The following PNPLA6 variants were observed in gnomAD, a reference collection of about 807,000 sequenced individuals.
PNPLA6 encodes the protein patatin like domain 6, lysophospholipase.
Under a neutral mutation model 153.7 loss-of-function variants are expected in PNPLA6, and 105 were observed. That is an observed-to-expected ratio of 0.68 (90% CI 0.58 to 0.80). The LOEUF is 0.80. PNPLA6 is among the 30% of genes least tolerant of loss of function. PNPLA6 has a pLI of 0.00. For synonymous variants in PNPLA6, 825 were observed against 822.2 expected (o/e 1.00, Z -0.06); for missense variants, 1,423 against 1,919.3 (o/e 0.74, Z 4.83).
At chr19:7,549,139 G>C (rs2023526049) in intron 13 of PNPLA6, among the ~76,000 whole-genome samples, 1 of 150,060 alleles carries the variant, frequency 6.7e-6, no homozygotes, top group South Asian at 2.1e-4. Context: ...TTTATATATA[G>C]ATGGTGCTTA....
intron 13 of PNPLA6, among the ~76,000 whole-genome samples, chr19:7,549,494 C>CTTCTT (rs66673863): frequency 0.17 from 23,091 of 136,210 alleles, 2,068 homozygotes; most frequent in Non-Finnish European, 0.2. Context: ...CCTTCTTCTT[C>CTTCTT]TTTTTTTTTT....
rs1568420077 is a variant in PNPLA6, at chr19:7,555,061, AG to A, written c.2804del (p.Ser935ThrfsTer39). 3 of 1,592,858 alleles carry A rather than the reference AG, an allele frequency of 1.9e-6. No homozygotes were observed. The highest frequency in any genetic ancestry group is 2.5e-6 in the Non-Finnish European group (3 of 1,178,000). On this transcript the variant is annotated frameshift_variant, in exon 22 of 32. Transcript: ENST00000600737. LOFTEE classifies it high-confidence loss of function. This position sits in a 1 kb window ranked among gnomAD's most constrained non-coding sequence, Gnocchi z 6.3. ...RCPRRLFSRRSPAKLHELYEK... is the reference protein window; with the variant it reads ...RCPRRLFSRRXPAKLHELYEK... ...TCCGCGCCGCCTCTTTTCGCGCCGC[AG>A]CCCTGCCAAGCTGGTGAGGAGCGGG...
chr19:7,542,018 C>T lies in PNPLA6; in HGVS notation c.1203C>T (p.Pro401=). 6.2e-7 allele frequency: 1 copy of T among 1,608,328 alleles called. No individual in the cohort carries two copies. Among genetic ancestry groups the T allele is most frequent in the South Asian group, 1.1e-5 (1 of 91,070 alleles). ...TGAAGCCCACATCCCTGGAAACCCC[C>T]TCGGCCCCTCTGCTGAGCCGCTGCG... ...DPVKPTSLET[P]SAPLLSRCVS... The change falls in exon 10 of 32, where the codon CCC becomes CCT. Residue 401 remains proline (P), a synonymous_variant. Coordinates refer to ENST00000600737, the MANE Select transcript of PNPLA6 (RefSeq NM_001166114.2).
rs1160912108 is a variant in PNPLA6, at chr19:7,536,204, G to A, written c.246G>A (p.Pro82=). 2.5e-6 allele frequency: 4 copies of A among 1,613,046 alleles called. No homozygotes were observed. The highest frequency in any genetic ancestry group is 3.4e-6 in the Non-Finnish European group (4 of 1,179,172). The change falls in exon 2 of 32, where the codon CCG becomes CCA. Residue 82 remains proline (P), a synonymous_variant. Transcript: ENST00000600737. ...RRLRVPKTPA[P]DGPRYRFRKR... is the part of the protein sequence containing the mutation. The stretch of plus-strand genomic sequence containing the variant: ...ACCTATCCCCAGAAACCCCAGCCCC[G>A]GATGGCCCCCGGTATCGGTTCCGGA...
In PNPLA6 at chr19:7,561,306, G is replaced by C. The variant is rs766397068; in HGVS notation, c.4012G>C (p.Ala1338Pro). ...GSPEGASPSTASEMEEEKSIL... is the reference protein window; with the variant it reads ...GSPEGASPSTPSEMEEEKSIL... ...CCCCGAGGGCGCAAGCCCCAGCACT[G>C]CCTCCGAGATGGTGAGAGTGGGTGG... is the stretch of plus-strand genomic sequence containing the variant. The change falls in exon 31 of 32, where the codon GCC becomes CCC. Residue 1338 changes from alanine (A) to proline (P), a missense_variant. By Grantham distance (27) the Ala-to-Pro change is conservative. Transcript: ENST00000600737. 1.2e-5 allele frequency: 19 copies of C among 1,604,132 alleles called. No individual in the cohort carries two copies. Among genetic ancestry groups the C allele is most frequent in the Non-Finnish European group, 1.6e-5 (19 of 1,175,996 alleles).
Position 7,540,315 on chromosome 19 carries a change from G to A in PNPLA6, c.714+7G>A, listed in dbSNP as rs371188270. On this transcript the variant is annotated splice_region_variant and intron_variant, in intron 5 of 31. Transcript: ENST00000600737. The surrounding 1 kb of genome is among the most constrained non-coding windows in gnomAD (Gnocchi z 6.8). Reference sequence around the variant, plus strand: ...GCTCTGTCTGCCAGGGCCTGTGAGTGGGCCTCCCCAGGGGCTGCTGCAGGA... The same window carrying A: ...GCTCTGTCTGCCAGGGCCTGTGAGTAGGCCTCCCCAGGGGCTGCTGCAGGA... 2.2e-5 allele frequency: 35 copies of A among 1,602,006 alleles called. No homozygotes were observed. In the African/African-American group the frequency reaches 4.3e-4, roughly 20 times the overall value.
At chr19:7,534,220 A>C, upstream of PNPLA6, 1 of 319,466 alleles carries the variant, frequency 3.1e-6, no homozygotes. Context: ...CGCGGAGTGG[A>C]CCCCGGCTGC....
At position 7,541,496 on chromosome 19, in the gene PNPLA6, G is replaced by A. The variant is rs2023137829; in HGVS notation, c.1006-26G>A. ...GGGGCGAGGTCTCCCTCCCAGGACAGGCCACAAGCTGTTCTCTGCCCCCAG... is the reference window on the plus strand; with the variant it reads ...GGGGCGAGGTCTCCCTCCCAGGACAAGCCACAAGCTGTTCTCTGCCCCCAG... On this transcript the variant is annotated intron_variant, in intron 8 of 31. Transcript: ENST00000600737. The surrounding 1 kb of genome is among the most constrained non-coding windows in gnomAD (Gnocchi z 5.2). 2 of 1,611,896 alleles carry A rather than the reference G, an allele frequency of 1.2e-6. No individual in the cohort carries two copies. Among genetic ancestry groups the A allele is most frequent in the South Asian group, 2.2e-5 (2 of 90,838 alleles).
chr19:7,557,427 C>T lies in PNPLA6; in HGVS notation c.3397+143C>T, dbSNP rs752134451. 1.3e-3 allele frequency: 880 copies of T among 694,632 alleles called. 1 individual carries two copies. The highest frequency in any genetic ancestry group is 1.9e-3 in the Non-Finnish European group (731 of 378,986). 43.0% of individuals were successfully genotyped at this position (694,632 alleles called of 1,614,324 possible). On this transcript the variant is annotated intron_variant, in intron 27 of 31. Transcript: ENST00000600737. ...AGGGGTGCAGACACACATGCGCACA[C>T]ATACGATCACTTGCACAAAATGATA...
Position 7,542,618 on chromosome 19 carries a change from C to G in PNPLA6, c.1310C>G (p.Ser437Cys). The change falls in exon 11 of 32, where the codon TCC (serine) becomes TGC (cysteine). Residue 437 changes from serine (S) to cysteine (C), a missense_variant. Physicochemically the swap from Ser to Cys is moderately radical, Grantham distance 112. Coordinates refer to ENST00000600737, the MANE Select transcript of PNPLA6 (RefSeq NM_001166114.2). The stretch of plus-strand genomic sequence containing the variant: ...ATGGCCTATGAGCGTGGCCGGATCT[C>G]CGTGTCCCTGCAGGAAGAGGCCTCC... ...FDMAYERGRI[S>C]VSLQEEASGG... 6.2e-7 allele frequency: 1 copy of G among 1,613,652 alleles called. No individual in the cohort carries two copies. Among genetic ancestry groups the G allele is most frequent in the Non-Finnish European group, 8.5e-7 (1 of 1,180,000 alleles).
At position 7,540,073 on chromosome 19, in the gene PNPLA6, G is replaced by C; in HGVS notation, c.554+15G>C. On this transcript the variant is annotated intron_variant, in intron 4 of 31. Transcript: ENST00000600737. This position sits in a 1 kb window ranked among gnomAD's most constrained non-coding sequence, Gnocchi z 6.8. ...AAGAACGTCCGGTCAGTGTTGGGGT[G>C]CAGGTGGGGGTGGAGGGCTGCAGAC... The C allele has an allele frequency of 6.2e-7, 1 of 1,614,052 alleles. No homozygotes were observed. Among genetic ancestry groups the C allele is most frequent in the Non-Finnish European group, 8.5e-7 (1 of 1,180,004 alleles).
chr19:7,549,182 CTTTTT>C (rs888920975), intron 13 of PNPLA6, among the ~76,000 whole-genome samples: 61 of 140,860 alleles, frequency 4.3e-4, no homozygotes, highest in African/African-American at 1.4e-3. Context: ...CTTCATGTTT[CTTTTT>C]TTTCTTTTTT....
At chr19:7,546,454 C>T (rs1301037760) in intron 13 of PNPLA6, among the ~76,000 whole-genome samples, 1 of 151,856 alleles carries the variant, frequency 6.6e-6, no homozygotes, top group African/African-American at 2.4e-5. Flanking sequence ...CATGGCAAAA[C>T]CCAGTCTCTA....
intron 28 of PNPLA6, among the ~76,000 whole-genome samples, chr19:7,559,579 T>A (rs89621): frequency 4.0e-5 from 6 of 148,776 alleles, no homozygotes; most frequent in South Asian, 2.1e-4. Context: ...TGGCTCATGC[T>A]TGTAATCCCA....
intron 13 of PNPLA6, among the ~76,000 whole-genome samples, chr19:7,544,313 T>C (rs1669574017): frequency 6.6e-6 from 1 of 151,532 alleles, no homozygotes; most frequent in South Asian, 2.1e-4. Context: ...GGTTTTGCCA[T>C]GTTGGCCAGC....
rs142858007 is a variant in PNPLA6 at position 7,557,347 on chromosome 19, C to T, written c.3397+63C>T. On this transcript the variant is annotated intron_variant, in intron 27 of 31. Coordinates refer to ENST00000600737, the MANE Select transcript of PNPLA6 (RefSeq NM_001166114.2). ...CTCCCGCACCACACACACGCACACG[C>T]GTGGGCACACACAGACAGGCTCGAT... The T allele has an allele frequency of 3.1e-5, 32 of 1,017,190 alleles. No individual in the cohort carries two copies. The East Asian group carries it at 3.8e-4, about 12-fold the overall frequency. 63.0% of individuals were successfully genotyped at this position (1,017,190 alleles called of 1,614,324 possible).
intron 10 of PNPLA6, among the ~76,000 whole-genome samples, chr19:7,542,341 C>T (rs1018641782): frequency 1.3e-5 from 2 of 152,074 alleles, no homozygotes; most frequent in African/African-American, 4.8e-5. Context: ...ACTGTGGTTA[C>T]TCTCATCTTT....
chr19:7,542,021 G>A lies in PNPLA6; in HGVS notation c.1206G>A (p.Ser402=), dbSNP rs376895691. ...PVKPTSLETP[S]APLLSRCVSM... The stretch of plus-strand genomic sequence containing the variant: ...AGCCCACATCCCTGGAAACCCCCTC[G>A]GCCCCTCTGCTGAGCCGCTGCGTCT... Residue 402 remains serine, a synonymous_variant, in exon 10 of 32, where the codon TCG becomes TCA. Transcript: ENST00000600737. 16 of 1,608,054 alleles carry A rather than the reference G, an allele frequency of 9.9e-6. No homozygotes were observed. Among genetic ancestry groups the A allele is most frequent in the African/African-American group, 2.7e-5 (2 of 74,888 alleles).
chr19:7,558,179 A>G (rs1260423234), intron 27 of PNPLA6, among the ~76,000 whole-genome samples: 1 of 152,232 alleles, frequency 6.6e-6, no homozygotes, highest in Non-Finnish European at 1.5e-5. Flanking sequence ...TGCAGGTGAG[A>G]AGCGGGCAGG....
Sources: gnomAD v4.1 joint callset for allele counts (sites outside exome capture counted in the v4.1 genomes callset) on GRCh38, gnomAD v4.1.1 for gene constraint, Gnocchi (gnomAD v3.1) non-coding constraint, MANE v1.5 for transcripts, NCBI Gene and HGNC (gene_info 2026-07-23, HGNC 2026-07-21) for gene names.